The following OR2AT4 variants were observed in gnomAD, a reference collection of about 807,000 sequenced individuals.
The protein encoded by OR2AT4 is olfactory receptor 2AT4.
In OR2AT4, 6 loss-of-function variants were observed where a neutral mutation model predicts 10.3. The observed-to-expected ratio is 0.58, with a 90% CI of 0.32 to 1.15. The LOEUF (loss-of-function observed/expected upper bound fraction) is 1.15, where lower values mean the gene tolerates loss of function less well. Ranked by LOEUF, OR2AT4 falls within the 50% of genes most tolerant of loss-of-function variation. OR2AT4 has a pLI of 0.05. For missense variants in OR2AT4, 354 were observed against 393.8 expected, an observed-to-expected ratio of 0.90 and a Z score of 0.85; for synonymous variants, 145 against 159.1, an observed-to-expected ratio of 0.91 and a Z score of 0.67.
intron 1 of OR2AT4, among the ~76,000 whole-genome samples, chr11:75,091,590 T>C (rs1329197857): frequency 2.0e-5 from 3 of 152,146 alleles, no homozygotes; most frequent in East Asian, 1.9e-4. Flanking sequence ...ACCTGCAAAA[T>C]AGATCAGTAG....
exon 2 of OR2AT4, chr11:75,082,945 G>A (rs1949273182): frequency 6.6e-6 from 1 of 152,080 alleles, no homozygotes; most frequent in Admixed American, 6.5e-5. Context: ...CAGGTGTGGT[G>A]GCACATGCCT....
At chr11:75,093,819 T>TC (rs1949332923) in intron 1 of OR2AT4, among the ~76,000 whole-genome samples, 3 of 72,730 alleles carry the variant, frequency 4.1e-5, no homozygotes, top group African/African-American at 1.4e-4. Flanking sequence ...TCTTTTTTTT[T>TC]TTTTTTTTTT....
chr11:75,087,840 A>G (rs1489847640), exon 2 of OR2AT4: 1 of 152,172 alleles, frequency 6.6e-6, no homozygotes, highest in Non-Finnish European at 1.5e-5. Flanking sequence ...AAATAATTAC[A>G]TATGTCTAGA....
chr11:75,094,014 G>A (rs1168635704), intron 1 of OR2AT4, among the ~76,000 whole-genome samples: 2 of 151,120 alleles, frequency 1.3e-5, no homozygotes, highest in African/African-American at 2.4e-5. Flanking sequence ...GCAGAGACGG[G>A]GTTTCACCAT....
At chr11:75,086,919 T>C (rs1949293902) in exon 2 of OR2AT4, 1 of 152,234 alleles carries the variant, frequency 6.6e-6, no homozygotes, top group African/African-American at 2.4e-5. Flanking sequence ...TTCATAGTTT[T>C]GCCTTTTCCA....
At chr11:75,089,440 G>T in exon 2 of OR2AT4, 1 of 1,614,172 alleles carries the variant, frequency 6.2e-7, no homozygotes, top group Non-Finnish European at 8.5e-7. Flanking sequence ...CGGTCCCCAA[G>T]CAAGAATAAG....
intron 1 of OR2AT4, among the ~76,000 whole-genome samples, chr11:75,094,359 C>T (rs1949335924): frequency 6.6e-6 from 1 of 152,184 alleles, no homozygotes. Flanking sequence ...TTGTCAGCAG[C>T]AAACTACAAA....
intron 1 of OR2AT4, among the ~76,000 whole-genome samples, chr11:75,093,790 T>C (rs902094409): frequency 5.5e-5 from 7 of 127,966 alleles, no homozygotes; most frequent in African/African-American, 1.6e-4. Context: ...TTCTCTTTTC[T>C]TTTTTTTCTT....
intron 1 of OR2AT4, among the ~76,000 whole-genome samples, chr11:75,093,614 T>A (rs992123116): frequency 6.6e-6 from 1 of 152,142 alleles, no homozygotes; most frequent in Non-Finnish European, 1.5e-5. Context: ...CGTTTATGTT[T>A]ACATCATTGT....
chr11:75,095,186 T>C (rs1949340603), intron 1 of OR2AT4, among the ~76,000 whole-genome samples: 1 of 152,180 alleles, frequency 6.6e-6, no homozygotes, highest in South Asian at 2.1e-4. Context: ...ATAGCAGAAG[T>C]AGGTTTTAAA....
At chr11:75,088,163 T>C (rs368784925) in exon 2 of OR2AT4, 27 of 152,404 alleles carry the variant, frequency 1.8e-4, no homozygotes, top group East Asian at 1.2e-3. Context: ...CTCCTCGGGA[T>C]AGATCCCTAG....
At chr11:75,089,454 A>G in exon 2 of OR2AT4, 1 of 1,614,224 alleles carries the variant, frequency 6.2e-7, no homozygotes, top group African/African-American at 1.3e-5. Context: ...GAATAAGGAC[A>G]GCATCTTGGG....
rs555068706 is a variant in OR2AT4 at position 75,092,973 on chromosome 11, G to A, written c.-651-2609C>T. 3.9e-5 allele frequency among the ~76,000 whole-genome samples: 6 copies of A among 152,154 alleles called. No individual in the cohort carries two copies. In the East Asian group the frequency reaches 1.2e-3, roughly 29 times the overall value. On this transcript the variant is annotated intron_variant, in intron 1 of 1. Coordinates refer to ENST00000641504, the Ensembl canonical transcript of OR2AT4. ...AAATTAGCTGGGCATGGTAGCACAC[G>A]CCTGTAATCCCAGCTACTCAGGAGG...
chr11:75,084,903 A>G (rs1218094549), exon 2 of OR2AT4: 2 of 152,188 alleles, frequency 1.3e-5, no homozygotes, highest in Non-Finnish European at 2.9e-5. Context: ...CTATTGGGAA[A>G]TGTACAGACT....
At chr11:75,089,305 A>G in exon 2 of OR2AT4, 2 of 1,614,212 alleles carry the variant, frequency 1.2e-6, no homozygotes, top group South Asian at 1.1e-5. Flanking sequence ...AGGACAGGGT[A>G]GTGCAGTGGG....
chr11:75,085,514 C>G (rs551359617), exon 2 of OR2AT4: 1 of 151,914 alleles, frequency 6.6e-6, no homozygotes, highest in Non-Finnish European at 1.5e-5. Flanking sequence ...TTTTATGAGG[C>G]CAGCATTTAT....
At chr11:75,094,250 T>C (rs1241777668) in intron 1 of OR2AT4, among the ~76,000 whole-genome samples, 1 of 152,078 alleles carries the variant, frequency 6.6e-6, no homozygotes, top group East Asian at 1.9e-4. Context: ...AGCATTCTTC[T>C]ATCGTCGGTT....
chr11:75,095,015 G>A (rs1000691923), intron 1 of OR2AT4, among the ~76,000 whole-genome samples: 3 of 152,128 alleles, frequency 2.0e-5, no homozygotes, highest in African/African-American at 4.8e-5. Context: ...GAATGCCACC[G>A]AGTTAGGCTG....
At chr11:75,096,460 T>C (rs1237219334) in intron 1 of OR2AT4, among the ~76,000 whole-genome samples, 1 of 152,228 alleles carries the variant, frequency 6.6e-6, no homozygotes, top group Non-Finnish European at 1.5e-5. Context: ...CTAGGTCTAT[T>C]AACTTTGCAG....
Sources: allele counts gnomAD v4.1 joint callset (sites outside exome capture counted in the v4.1 genomes callset), GRCh38; gene constraint gnomAD v4.1.1; transcripts MANE v1.5; gene names NCBI Gene and HGNC (gene_info 2026-07-23, HGNC 2026-07-21).